DCLK1: variants seen among roughly 807,000 people sequenced by gnomAD.
The protein encoded by DCLK1 is serine/threonine-protein kinase DCLK1.
A neutral mutation model predicts 86.2 loss-of-function variants in DCLK1; 16 were observed. That is an observed-to-expected ratio of 0.19 (90% CI 0.13 to 0.28). The LOEUF (loss-of-function observed/expected upper bound fraction) is 0.28, where lower values mean the gene tolerates loss of function less well. DCLK1 is among the 10% of genes least tolerant of loss of function. The pLI is 1.00. For missense variants in DCLK1, 590 were observed against 940.2 expected, an observed-to-expected ratio of 0.63 and a Z score of 4.87; for synonymous variants, 369 against 370.5, an observed-to-expected ratio of 1.00 and a Z score of 0.05.
intron 3 of DCLK1, among the ~76,000 whole-genome samples, chr13:36,092,633 C>T (rs1200512111): frequency 1.3e-5 from 2 of 150,542 alleles, no homozygotes; most frequent in African/African-American, 4.9e-5. Flanking sequence ...ACTACAGGCG[C>T]CCGCCACCAC....
At chr13:36,007,924 T>G (rs17186110) in intron 3 of DCLK1, among the ~76,000 whole-genome samples, 8,500 of 152,172 alleles carry the variant, frequency 0.056, 304 homozygotes, top group Non-Finnish European at 0.087. Context: ...ATCATTATTT[T>G]GTGTGTCGTA....
rs185941913 is a variant in DCLK1 at position 35,969,531 on chromosome 13, G to C, written c.724-22074C>G. On this transcript the variant is annotated intron_variant, in intron 3 of 16. Transcript: ENST00000360631. ...CTGACACCTTGATTATGAACTTCTG[G>C]CCTCAAGAACTGGGAGATAATACAT... Among the ~76,000 whole-genome samples, 109 of 152,284 alleles carry C rather than the reference G, an allele frequency of 7.2e-4. 1 individual carries two copies. The highest frequency in any genetic ancestry group is 1.5e-3 in the Non-Finnish European group (99 of 68,026).
At chr13:35,808,096 A>G (rs1478651183) in intron 14 of DCLK1, 128 bp downstream of exon 14, 1 of 908,758 alleles carries the variant, frequency 1.1e-6, no homozygotes, top group East Asian at 2.4e-5. Context: ...AAACCTAGCA[A>G]TTACAACTAA....
chr13:35,958,297 CTATAATAAA>C (rs1555352875), intron 3 of DCLK1, among the ~76,000 whole-genome samples: 1 of 16,898 alleles, frequency 5.9e-5, no homozygotes, highest in Non-Finnish European at 1.2e-4. Context: ...ACTATAACCA[CTATAATAAA>C]CACCACTACC....
chr13:36,045,494 A>G (rs1484978628), intron 3 of DCLK1, among the ~76,000 whole-genome samples: 1 of 151,518 alleles, frequency 6.6e-6, no homozygotes, highest in Non-Finnish European at 1.5e-5. Context: ...TGAACAAATT[A>G]AAAATTGGAA....
intron 4 of DCLK1, among the ~76,000 whole-genome samples, chr13:35,941,122 C>T (rs1269992942): frequency 6.6e-6 from 1 of 152,160 alleles, no homozygotes; most frequent in Non-Finnish European, 1.5e-5. Context: ...TGTGTCTTCT[C>T]AACACAATCC....
intron 3 of DCLK1, among the ~76,000 whole-genome samples, chr13:35,964,904 A>G (rs776923113): frequency 6.6e-6 from 1 of 152,226 alleles, no homozygotes; most frequent in African/African-American, 2.4e-5. Flanking sequence ...GCTTGTTTAC[A>G]TAACGTCTAT....
chr13:35,840,547 G>T (rs1393321662), intron 6 of DCLK1, among the ~76,000 whole-genome samples: 2 of 152,192 alleles, frequency 1.3e-5, no homozygotes, highest in Non-Finnish European at 1.5e-5. Context: ...AAAGTTGAGA[G>T]ATGACCCTTG....
At chr13:35,916,011 A>T (rs540681860) in intron 4 of DCLK1, among the ~76,000 whole-genome samples, 16 of 152,298 alleles carry the variant, frequency 1.1e-4, no homozygotes, top group African/African-American at 3.8e-4. Flanking sequence ...GATGGGAGTC[A>T]AAGGTGAGTC....
intron 15 of DCLK1, among the ~76,000 whole-genome samples, chr13:35,801,832 T>C (rs1316234275): frequency 1.3e-5 from 2 of 152,194 alleles, no homozygotes; most frequent in African/African-American, 2.4e-5. Flanking sequence ...TATAGGGCCA[T>C]TTGGTCTGGA....
chr13:35,785,253 G>T (rs1481965844), intron 16 of DCLK1, among the ~76,000 whole-genome samples: 2 of 152,202 alleles, frequency 1.3e-5, no homozygotes, highest in Non-Finnish European at 2.9e-5. Context: ...ACTTGCCATG[G>T]TGACAGCTTC....
intron 4 of DCLK1, among the ~76,000 whole-genome samples, chr13:35,907,060 C>T (rs73518661): frequency 0.065 from 9,932 of 152,234 alleles, 1,053 homozygotes; most frequent in African/African-American, 0.22. Flanking sequence ...GTTTTTCCTA[C>T]CACCATCACT....
At chr13:35,995,757 C>T (rs1269620392) in intron 3 of DCLK1, among the ~76,000 whole-genome samples, 2 of 152,172 alleles carry the variant, frequency 1.3e-5, no homozygotes, top group East Asian at 1.9e-4. Flanking sequence ...AACTAACCCA[C>T]GTACGTGAGA....
chr13:36,009,749 C>T (rs1372587089), intron 3 of DCLK1, among the ~76,000 whole-genome samples: 2 of 120,128 alleles, frequency 1.7e-5, no homozygotes, highest in Admixed American at 1.8e-4. Flanking sequence ...TAGTTTTTTC[C>T]AATTCTGTGA....
At chr13:35,857,003 G>A (rs1471818590) in intron 5 of DCLK1, among the ~76,000 whole-genome samples, 1 of 152,078 alleles carries the variant, frequency 6.6e-6, no homozygotes, top group Non-Finnish European at 1.5e-5. Context: ...GCCTTACTGT[G>A]CCAGCCCTTT....
chr13:35,863,758 T>C (rs76315821), intron 5 of DCLK1, among the ~76,000 whole-genome samples: 7,560 of 152,336 alleles, frequency 0.05, 639 homozygotes, highest in African/African-American at 0.17. Context: ...CCTTTGAAGG[T>C]GTTTGATATA....
chr13:36,045,676 AC>A (rs1882884946), intron 3 of DCLK1, among the ~76,000 whole-genome samples: 1 of 151,690 alleles, frequency 6.6e-6, no homozygotes, highest in Non-Finnish European at 1.5e-5. Flanking sequence ...ACGTGGTAAA[AC>A]CCCATATCCA....
intron 2 of DCLK1, among the ~76,000 whole-genome samples, chr13:36,117,836 G>A (rs1566019483): frequency 6.6e-6 from 1 of 152,076 alleles, no homozygotes; most frequent in Non-Finnish European, 1.5e-5. Context: ...TCCACCACAA[G>A]GCAGTAAGTA....
At chr13:35,795,719 G>A (rs1171064441) in intron 15 of DCLK1, among the ~76,000 whole-genome samples, 3 of 152,032 alleles carry the variant, frequency 2.0e-5, no homozygotes, top group African/African-American at 7.2e-5. Flanking sequence ...TCGGGAGTAC[G>A]AGACCAGCCT....
Sources: allele counts gnomAD v4.1 joint callset (sites outside exome capture counted in the v4.1 genomes callset), GRCh38; gene constraint gnomAD v4.1.1; transcripts MANE v1.5; gene names NCBI Gene and HGNC (gene_info 2026-07-23, HGNC 2026-07-21).